Variants in BRINP3 observed in about 807,000 individuals in gnomAD.
BRINP3 encodes BMP/retinoic acid-inducible neural-specific protein 3.
Under a neutral mutation model 71.0 loss-of-function variants are expected in BRINP3, and 19 were observed. That is an observed-to-expected ratio of 0.27 (90% CI 0.19 to 0.39). BRINP3 has a LOEUF of 0.39. Ranked by LOEUF, BRINP3 falls within the 10% of genes least tolerant of loss-of-function variation. The probability of loss-of-function intolerance (pLI) is 1.00; values close to 1 mark genes in which losing one functional copy is unlikely to be tolerated. For missense variants in BRINP3, 959 were observed against 940.8 expected (o/e 1.02, Z -0.25); for synonymous variants, 380 against 337.7 (o/e 1.13, Z -1.37).
At chr1:190,407,851 C>A (rs1050396778) in intron 2 of BRINP3, among the ~76,000 whole-genome samples, 1 of 151,950 alleles carries the variant, frequency 6.6e-6, no homozygotes, top group African/African-American at 2.4e-5. Flanking sequence ...GTATTATATA[C>A]AAATTTATTA....
At chr1:190,202,618 C>A (rs1181359876) in intron 6 of BRINP3, among the ~76,000 whole-genome samples, 2 of 152,170 alleles carry the variant, frequency 1.3e-5, no homozygotes, top group African/African-American at 2.4e-5. Flanking sequence ...GTGGGAGGGA[C>A]CTCATGGGGG....
At chr1:190,373,434 A>ATATGTG (rs972212278) in intron 2 of BRINP3, among the ~76,000 whole-genome samples, 1 of 143,830 alleles carries the variant, frequency 7.0e-6, no homozygotes, top group Non-Finnish European at 1.5e-5. Flanking sequence ...ATATATATAT[A>ATATGTG]TGTGTGTGTG....
intron 7 of BRINP3, among the ~76,000 whole-genome samples, chr1:190,129,971 C>T (rs143640564): frequency 7.2e-5 from 11 of 152,016 alleles, no homozygotes; most frequent in African/African-American, 1.9e-4. Flanking sequence ...GAATACATAT[C>T]TCTACGTAGT....
At chr1:190,111,321 G>A (rs1351179572) in intron 7 of BRINP3, among the ~76,000 whole-genome samples, 1 of 151,238 alleles carries the variant, frequency 6.6e-6, no homozygotes, top group African/African-American at 2.4e-5. Flanking sequence ...TAATTAGTAG[G>A]TCATCTTTAT....
intron 2 of BRINP3, among the ~76,000 whole-genome samples, chr1:190,383,267 AT>A (rs1670668153): frequency 6.6e-6 from 1 of 152,064 alleles, no homozygotes; most frequent in East Asian, 1.9e-4. Flanking sequence ...ATAAAGCCTG[AT>A]TTATTATTCA....
chr1:190,471,368 G>A (rs950245974), intron 1 of BRINP3, among the ~76,000 whole-genome samples: 9 of 151,068 alleles, frequency 6.0e-5, no homozygotes, highest in Non-Finnish European at 7.4e-5. Context: ...CCTCCTTTTA[G>A]CAACTAAGAT....
At chr1:190,285,735 C>A (rs1308700777) in intron 2 of BRINP3, among the ~76,000 whole-genome samples, 1 of 148,042 alleles carries the variant, frequency 6.8e-6, no homozygotes. Context: ...TTTTTTTTTT[C>A]CTTGTTTCCT....
In BRINP3 at chr1:190,383,847, A is replaced by G. The variant is rs572475300; in HGVS notation, c.236+70808T>C. On this transcript the variant is annotated intron_variant, in intron 2 of 7. Transcript: ENST00000367462. ...AGGAAGTGTTTTCACAGACAGGCTT[A>G]TAAAATAATAAATGTTATTGATTAT... Among the ~76,000 whole-genome samples the G allele has an allele frequency of 2.0e-5, 3 of 152,164 alleles. No individual in the cohort carries two copies. In the South Asian group the frequency reaches 6.2e-4, roughly 32 times the overall value.
chr1:190,188,044 C>G (rs1653693851), intron 6 of BRINP3, among the ~76,000 whole-genome samples: 1 of 151,746 alleles, frequency 6.6e-6, no homozygotes, highest in Non-Finnish European at 1.5e-5. Context: ...TTCTGTCTTT[C>G]TCAATTTCTT....
At chr1:190,381,361 A>G (rs1423321830) in intron 2 of BRINP3, among the ~76,000 whole-genome samples, 2 of 152,158 alleles carry the variant, frequency 1.3e-5, no homozygotes, top group East Asian at 3.9e-4. Context: ...ACTTTCAGTG[A>G]GCACAAATTA....
chr1:190,202,723 G>A (rs1367309075), intron 6 of BRINP3, among the ~76,000 whole-genome samples: 1 of 151,948 alleles, frequency 6.6e-6, no homozygotes, highest in Non-Finnish European at 1.5e-5. Context: ...GAGTTTGTCT[G>A]AAAAAAGTCT....
intron 7 of BRINP3, among the ~76,000 whole-genome samples, chr1:190,115,658 C>G (rs930461059): frequency 2.6e-5 from 4 of 152,128 alleles, no homozygotes; most frequent in Admixed American, 2.6e-4. Flanking sequence ...CTCTGCCTCA[C>G]CAACCTCAGT....
chr1:190,433,014 CA>C (rs1674204265), intron 2 of BRINP3, among the ~76,000 whole-genome samples: 1 of 151,830 alleles, frequency 6.6e-6, no homozygotes, highest in Non-Finnish European at 1.5e-5. Flanking sequence ...AAATAGAGAC[CA>C]AAAAAATCTA....
chr1:190,256,309 A>G (rs912141594), intron 4 of BRINP3, among the ~76,000 whole-genome samples: 1 of 151,956 alleles, frequency 6.6e-6, no homozygotes, highest in Non-Finnish European at 1.5e-5. Context: ...CTAGGATTGC[A>G]ACCCCTGCTT....
At position 190,187,768 on chromosome 1, in the gene BRINP3, C is replaced by CT. The variant is rs1356062137; in HGVS notation, c.962-26879dup. ...CCAGTGCCATGTTTTTTGTGTTTTT[C>CT]TTTTTTTTCTACAGCTTTATAGTGT... On this transcript the variant is annotated intron_variant, in intron 6 of 7. Coordinates refer to ENST00000367462, the MANE Select transcript of BRINP3 (RefSeq NM_199051.3). Among the ~76,000 whole-genome samples, 10 of 151,620 alleles carry CT rather than the reference C, an allele frequency of 6.6e-5. No individual in the cohort carries two copies. The South Asian group carries it at 1.0e-3, about 16-fold the overall frequency.
chr1:190,230,713 C>T (rs1657890126), intron 5 of BRINP3, among the ~76,000 whole-genome samples: 1 of 151,496 alleles, frequency 6.6e-6, no homozygotes, highest in African/African-American at 2.4e-5. Flanking sequence ...TTAGTAATGA[C>T]CTTCTTTTTC....
At chr1:190,394,729 A>T (rs1173727169) in intron 2 of BRINP3, among the ~76,000 whole-genome samples, 1 of 151,620 alleles carries the variant, frequency 6.6e-6, no homozygotes, top group African/African-American at 2.4e-5. Flanking sequence ...GTTAATGCTT[A>T]CCATTTCTAT....
At position 190,406,592 on chromosome 1, in the gene BRINP3, C is replaced by G. The variant is rs1672298725; in HGVS notation, c.236+48063G>C. 2.0e-5 allele frequency among the ~76,000 whole-genome samples: 3 copies of G among 152,246 alleles called. No individual in the cohort carries two copies. In the South Asian group the frequency reaches 6.2e-4, roughly 32 times the overall value. On this transcript the variant is annotated intron_variant, in intron 2 of 7. Transcript: ENST00000367462. ...TGAGATACATTCTGTCCTGCTGTGACATATACCAGTTAATTTAAAATAGGC... is the reference window on the plus strand; with the variant it reads ...TGAGATACATTCTGTCCTGCTGTGAGATATACCAGTTAATTTAAAATAGGC...
chr1:190,195,317 C>T (rs1201553238), intron 6 of BRINP3, among the ~76,000 whole-genome samples: 4 of 151,352 alleles, frequency 2.6e-5, no homozygotes, highest in African/African-American at 4.8e-5. Flanking sequence ...AAAATAAGAC[C>T]GATTTTTATA....
Sources: gnomAD v4.1 joint callset for allele counts (sites outside exome capture counted in the v4.1 genomes callset) on GRCh38, gnomAD v4.1.1 for gene constraint, MANE v1.5 for transcripts, NCBI Gene and HGNC (gene_info 2026-07-23, HGNC 2026-07-21) for gene names.